Variants in ARHGAP32 observed in about 807,000 individuals in gnomAD.
The protein encoded by ARHGAP32 is rho GTPase-activating protein 32.
In ARHGAP32, 51 loss-of-function variants were observed where a neutral mutation model predicts 186.5. The observed-to-expected ratio is 0.27, with a 90% CI of 0.22 to 0.35. The LOEUF (loss-of-function observed/expected upper bound fraction) is 0.35. Among genes scored for constraint, ARHGAP32 ranks in the 10% least tolerant of loss-of-function variants. The pLI is 1.00. For synonymous variants in ARHGAP32, 950 were observed against 964.3 expected (o/e 0.99, Z 0.27); for missense variants, 2,186 against 2,623.5 (o/e 0.83, Z 3.64).
Position 128,980,414 on chromosome 11 carries a change from CG to C in ARHGAP32, c.1976+138del. ...TGAAGCGGTAAGTATCATCCATATT[CG>C]AATAAACAGGTTTCTCTGGGACTAG... On this transcript the variant is annotated intron_variant, in intron 18 of 22. Coordinates refer to ENST00000682385, the MANE Select transcript of ARHGAP32 (RefSeq NM_001378024.1). 6.8e-6 allele frequency: 4 copies of C among 586,588 alleles called. No homozygotes were observed. In the South Asian group the frequency reaches 8.6e-5, roughly 13 times the overall value. The allele number at this position is 586,588 out of a possible 1,614,324, so 36.3% of individuals were successfully genotyped here. A position where few individuals can be genotyped will look rare whatever the true frequency, so the allele number is the denominator to read the frequency against.
intron 2 of ARHGAP32, among the ~76,000 whole-genome samples, chr11:129,144,572 G>T (rs1263398929): frequency 3.3e-5 from 5 of 152,134 alleles, no homozygotes; most frequent in African/African-American, 1.2e-4. Flanking sequence ...GTGTTATCTA[G>T]CACCACCAAT....
intron 1 of ARHGAP32, among the ~76,000 whole-genome samples, chr11:129,273,264 T>G (rs377305059): frequency 2.6e-5 from 4 of 152,312 alleles, no homozygotes; most frequent in African/African-American, 7.2e-5. Flanking sequence ...TTCCACTGCT[T>G]GAAGCATGGC....
intron 1 of ARHGAP32, among the ~76,000 whole-genome samples, chr11:129,203,328 T>C (rs1944479073): frequency 6.6e-6 from 1 of 152,194 alleles, no homozygotes; most frequent in African/African-American, 2.4e-5. Flanking sequence ...AGGCAAGTGA[T>C]AATTTTTCTA....
At chr11:129,261,375 A>C (rs1171229984) in intron 1 of ARHGAP32, among the ~76,000 whole-genome samples, 2 of 152,198 alleles carry the variant, frequency 1.3e-5, no homozygotes, top group Admixed American at 1.3e-4. Flanking sequence ...TTTTACTAAA[A>C]TCCATAATCC....
At chr11:128,973,873 C>A in intron 21 of ARHGAP32, 1 of 534,786 alleles carries the variant, frequency 1.9e-6, no homozygotes, top group South Asian at 3.2e-5. Context: ...AAAAATTATC[C>A]ACGAATTCTC....
chr11:129,134,479 G>T (rs1486606454), intron 2 of ARHGAP32, among the ~76,000 whole-genome samples: 2 of 152,032 alleles, frequency 1.3e-5, no homozygotes, highest in Non-Finnish European at 2.9e-5. Flanking sequence ...ATGTATCAAG[G>T]TCTCTAGGCA....
At chr11:128,989,000 C>G (rs1173145607) in intron 12 of ARHGAP32, among the ~76,000 whole-genome samples, 2 of 152,104 alleles carry the variant, frequency 1.3e-5, no homozygotes, top group Non-Finnish European at 2.9e-5. Flanking sequence ...AAAAGAAATG[C>G]TTGGAAAATT....
intron 2 of ARHGAP32, among the ~76,000 whole-genome samples, chr11:129,151,215 C>T (rs1396852226): frequency 1.3e-5 from 2 of 151,976 alleles, no homozygotes; most frequent in Non-Finnish European, 2.9e-5. Context: ...AACACGAGGT[C>T]TCCCAAATTT....
intron 15 of ARHGAP32, 70 bp from the exon 16 acceptor site, chr11:128,982,006 A>AGTCCC (rs1945717137): frequency 1.2e-5 from 12 of 987,340 alleles, no homozygotes; most frequent in Non-Finnish European, 1.8e-5. Flanking sequence ...AAAGCCTGCT[A>AGTCCC]ATTAATTCCT....
intron 1 of ARHGAP32, among the ~76,000 whole-genome samples, chr11:129,179,851 G>A (rs986604364): frequency 2.6e-5 from 4 of 152,130 alleles, no homozygotes; most frequent in African/African-American, 9.6e-5. Context: ...GCTAGATGAC[G>A]AGTTAGTGGG....
chr11:129,118,651 T>G lies in ARHGAP32; in HGVS notation c.444+4795A>C, dbSNP rs1298713021. Among the ~76,000 whole-genome samples the G allele has an allele frequency of 2.0e-5, 3 of 152,140 alleles. No homozygotes were observed. The East Asian group carries it at 5.8e-4, about 29-fold the overall frequency. On this transcript the variant is annotated intron_variant, in intron 5 of 22. Transcript: ENST00000682385. The stretch of plus-strand genomic sequence containing the variant: ...AAGATGGCAAAGATTAAGTCCCCAG[T>G]TGGGAACCAGTTTCAAAAGGTTTTA...
chr11:129,113,382 C>T (rs1942279653), intron 5 of ARHGAP32, among the ~76,000 whole-genome samples: 1 of 152,106 alleles, frequency 6.6e-6, no homozygotes, highest in East Asian at 1.9e-4. Flanking sequence ...TTTAATACTG[C>T]ACCTTTATGT....
At chr11:129,143,276 G>T (rs1943100364) in intron 2 of ARHGAP32, among the ~76,000 whole-genome samples, 3 of 151,966 alleles carry the variant, frequency 2.0e-5, no homozygotes, top group African/African-American at 7.3e-5. Flanking sequence ...AGACAATGTA[G>T]GGGAAATCCA....
At chr11:129,267,579 T>C (rs1323562785) in intron 1 of ARHGAP32, among the ~76,000 whole-genome samples, 2 of 152,216 alleles carry the variant, frequency 1.3e-5, no homozygotes, top group African/African-American at 4.8e-5. Flanking sequence ...AATTCTCTGT[T>C]TGACTCTGAT....
At chr11:129,157,164 C>T (rs1943427417) in intron 2 of ARHGAP32, among the ~76,000 whole-genome samples, 1 of 151,982 alleles carries the variant, frequency 6.6e-6, no homozygotes, top group African/African-American at 2.4e-5. Flanking sequence ...ACCAGAACAC[C>T]TCTTCTCCTC....
At chr11:129,018,830 T>C (rs1938473843) in intron 11 of ARHGAP32, among the ~76,000 whole-genome samples, 1 of 152,152 alleles carries the variant, frequency 6.6e-6, no homozygotes, top group South Asian at 2.1e-4. Context: ...CAAATACTTT[T>C]TCCAATAATA....
At chr11:129,075,079 CA>C (rs1940995484) in intron 6 of ARHGAP32, among the ~76,000 whole-genome samples, 1 of 151,924 alleles carries the variant, frequency 6.6e-6, no homozygotes, top group African/African-American at 2.4e-5. Context: ...AAAAAGGAGA[CA>C]AAGTATGGAA....
chr11:129,017,870 C>T (rs986429682), intron 11 of ARHGAP32, among the ~76,000 whole-genome samples: 8 of 152,088 alleles, frequency 5.3e-5, no homozygotes, highest in African/African-American at 1.9e-4. Context: ...TACCTATCCC[C>T]AATTGCTAAG....
intron 11 of ARHGAP32, among the ~76,000 whole-genome samples, chr11:129,028,154 C>G (rs185626690): frequency 1.3e-5 from 2 of 152,318 alleles, no homozygotes; most frequent in Non-Finnish European, 2.9e-5. Context: ...CATCTGCCAA[C>G]AAACAAAACC....
Sources: gnomAD v4.1 joint callset for allele counts (sites outside exome capture counted in the v4.1 genomes callset) on GRCh38, gnomAD v4.1.1 for gene constraint, MANE v1.5 for transcripts, NCBI Gene and HGNC (gene_info 2026-07-23, HGNC 2026-07-21) for gene names.